The following EVI5 variants were observed in gnomAD, a reference collection of about 807,000 sequenced individuals.
The protein encoded by EVI5 is ecotropic viral integration site 5.
In EVI5, 73 loss-of-function variants were observed where a neutral mutation model predicts 112.0. The observed-to-expected ratio is 0.65, with a 90% CI of 0.54 to 0.79. The LOEUF (loss-of-function observed/expected upper bound fraction) is 0.79. Among genes scored for constraint, EVI5 ranks in the 30% least tolerant of loss-of-function variants. The pLI is 0.00. For synonymous variants in EVI5, 305 were observed against 319.9 expected, an observed-to-expected ratio of 0.95 and a Z score of 0.50; for missense variants, 900 against 968.8, an observed-to-expected ratio of 0.93 and a Z score of 0.94.
intron 14 of EVI5, among the ~76,000 whole-genome samples, chr1:92,635,821 T>C (rs1454470192): frequency 6.6e-6 from 1 of 152,200 alleles, no homozygotes; most frequent in Non-Finnish European, 1.5e-5. Context: ...TTTCCCGAAA[T>C]GTCTATGTAT....
intron 10 of EVI5, among the ~76,000 whole-genome samples, 181 bp from the exon 11 acceptor site, chr1:92,666,173 C>T (rs1013122956): frequency 1.3e-5 from 2 of 151,980 alleles, no homozygotes; most frequent in Non-Finnish European, 2.9e-5. Context: ...CACCATGGTT[C>T]ACGCCTGTAA....
chr1:92,718,714 GA>G (rs1207640691), intron 2 of EVI5, among the ~76,000 whole-genome samples: 1 of 152,078 alleles, frequency 6.6e-6, no homozygotes, highest in Non-Finnish European at 1.5e-5. Flanking sequence ...GAAGGAGATA[GA>G]GACACAAAAA....
At chr1:92,600,849 C>G (rs937195494) in intron 18 of EVI5, among the ~76,000 whole-genome samples, 7 of 152,082 alleles carry the variant, frequency 4.6e-5, no homozygotes, top group Admixed American at 4.6e-4. Context: ...GTTGGGAAAC[C>G]CTGGTAAAGA....
intron 1 of EVI5, among the ~76,000 whole-genome samples, chr1:92,768,068 A>C (rs1354195136): frequency 8.2e-6 from 1 of 121,618 alleles, no homozygotes; most frequent in Non-Finnish European, 1.7e-5. Context: ...CAACAGAGCA[A>C]GACCCTATCT....
chr1:92,637,381 GAAAA>G (rs758351385), intron 13 of EVI5, among the ~76,000 whole-genome samples: 2 of 90,690 alleles, frequency 2.2e-5, no homozygotes, highest in Non-Finnish European at 4.8e-5. Context: ...CTTGTCTCAA[GAAAA>G]AAAAAAAAAA....
At chr1:92,588,739 T>C (rs1002541204) in intron 18 of EVI5, among the ~76,000 whole-genome samples, 2 of 152,218 alleles carry the variant, frequency 1.3e-5, no homozygotes, top group Admixed American at 1.3e-4. Context: ...CCCATAAATA[T>C]CTACAAAATT....
chr1:92,702,254 G>A, intron 4 of EVI5, 39 bp from the exon 5 acceptor site: 1 of 1,065,684 alleles, frequency 9.4e-7, no homozygotes, highest in Non-Finnish European at 1.4e-6. Context: ...TACATGGTAA[G>A]TTATACCTTC....
At chr1:92,630,018 T>G (rs533502232) in intron 14 of EVI5, among the ~76,000 whole-genome samples, 1 of 152,332 alleles carries the variant, frequency 6.6e-6, no homozygotes, top group East Asian at 1.9e-4. Flanking sequence ...AATGGCTGCA[T>G]AGTATTCCAT....
At position 92,611,098 on chromosome 1, in the gene EVI5, A is replaced by C. The variant is rs538341395; in HGVS notation, c.1828-3371T>G. ...TGTACCCTAAAACTTAAAGTATAAT[A>C]AAAAATAAAAATAAAAAAATAAATC... On this transcript the variant is annotated intron_variant, in intron 16 of 19. Coordinates refer to ENST00000684568, the MANE Select transcript of EVI5 (RefSeq NM_001350197.2). Among the ~76,000 whole-genome samples, 44 of 130,274 alleles carry C rather than the reference A, an allele frequency of 3.4e-4. 1 individual carries two copies. In the South Asian group the frequency reaches 0.012, roughly 35 times the overall value. 85.5% of individuals were successfully genotyped at this position (130,274 alleles called of 152,430 possible).
chr1:92,561,608 CCTATCTAT>C (rs80355191), intron 19 of EVI5, among the ~76,000 whole-genome samples: 22,934 of 130,952 alleles, frequency 0.18, 2,199 homozygotes, highest in Middle Eastern at 0.19. Context: ...TCTAATCTAT[CCTATCTAT>C]CTATCTATCT....
intron 1 of EVI5, chr1:92,784,161 T>C (rs1294754316): frequency 3.4e-6 from 1 of 291,560 alleles, no homozygotes; most frequent in Non-Finnish European, 5.1e-6. Flanking sequence ...AATGAGATGA[T>C]CTAAGAAGCC....
intron 18 of EVI5, among the ~76,000 whole-genome samples, chr1:92,576,213 TA>T (rs1671057454): frequency 6.6e-6 from 1 of 151,132 alleles, no homozygotes; most frequent in African/African-American, 2.5e-5. Context: ...TGATATTATG[TA>T]TACATGTCCT....
At chr1:92,587,939 T>C (rs1673079465) in intron 18 of EVI5, among the ~76,000 whole-genome samples, 1 of 152,232 alleles carries the variant, frequency 6.6e-6, no homozygotes, top group Non-Finnish European at 1.5e-5. Flanking sequence ...GGTTAAATAC[T>C]AGAAGGCTTG....
intron 1 of EVI5, chr1:92,784,311 T>C (rs1044918793): frequency 3.7e-5 from 36 of 985,308 alleles, no homozygotes; most frequent in Non-Finnish European, 4.3e-5. Flanking sequence ...GATTCAGGAA[T>C]GGCTACAAAC....
chr1:92,787,361 C>T (rs557883088), upstream of EVI5, among the ~76,000 whole-genome samples: 3 of 152,062 alleles, frequency 2.0e-5, no homozygotes, highest in Non-Finnish European at 2.9e-5. Context: ...CTCAAAGAGC[C>T]TTTTGTAAGC....
chr1:92,729,602 G>A lies in EVI5; in HGVS notation c.149+6796C>T, dbSNP rs72970627. Among the ~76,000 whole-genome samples, 1,411 of 152,188 alleles carry A rather than the reference G, an allele frequency of 9.3e-3. 21 individuals carry two copies. The highest frequency in any genetic ancestry group is 0.032 in the African/African-American group (1,329 of 41,506). On this transcript the variant is annotated intron_variant, in intron 2 of 19. Transcript: ENST00000684568. Reference sequence around the variant, plus strand: ...CCAAAGATACCAAAATGTGTGGGTGGTGACGTCCTTAGATCAAATGGTATA... The same window carrying A: ...CCAAAGATACCAAAATGTGTGGGTGATGACGTCCTTAGATCAAATGGTATA...
intron 13 of EVI5, among the ~76,000 whole-genome samples, chr1:92,644,336 G>C (rs1660539819): frequency 6.6e-6 from 1 of 152,172 alleles, no homozygotes; most frequent in South Asian, 2.1e-4. Flanking sequence ...GACAAATCTA[G>C]AATATGAAAT....
chr1:92,625,132 TA>T (rs1238721985), intron 15 of EVI5, among the ~76,000 whole-genome samples: 1 of 152,158 alleles, frequency 6.6e-6, no homozygotes, highest in Non-Finnish European at 1.5e-5. Flanking sequence ...ATGGGGCCAT[TA>T]AGGAAGGAAT....
chr1:92,790,196 C>CTA (rs1249806932), intron 1 of EVI5, among the ~76,000 whole-genome samples: 1 of 152,112 alleles, frequency 6.6e-6, no homozygotes, highest in Non-Finnish European at 1.5e-5. Context: ...ACAACTGTAG[C>CTA]TATTCTGGAG....
Sources: gnomAD v4.1 joint callset for allele counts (sites outside exome capture counted in the v4.1 genomes callset) on GRCh38, gnomAD v4.1.1 for gene constraint, MANE v1.5 for transcripts, NCBI Gene and HGNC (gene_info 2026-07-23, HGNC 2026-07-21) for gene names.